The following ACER3 variants were observed in gnomAD, a reference collection of about 807,000 sequenced individuals.
The protein encoded by ACER3 is alkaline ceramidase 3.
In ACER3, 16 loss-of-function variants were observed where a neutral mutation model predicts 48.9. The observed-to-expected ratio is 0.33, with a 90% confidence interval of 0.22 to 0.50. The LOEUF (loss-of-function observed/expected upper bound fraction) is 0.50. Among genes scored for constraint, ACER3 ranks in the 20% least tolerant of loss-of-function variants. The pLI, the probability that ACER3 is intolerant of heterozygous loss-of-function variation, is 0.98. For synonymous variants in ACER3, 109 were observed against 107.8 expected (o/e 1.01, Z -0.07); for missense variants, 227 against 326.0 (o/e 0.70, Z 2.34).
chr11:76,958,551 T>C (rs1441304529), intron 2 of ACER3, among the ~76,000 whole-genome samples: 1 of 152,214 alleles, frequency 6.6e-6, no homozygotes, highest in Non-Finnish European at 1.5e-5. Flanking sequence ...GCAACAACTC[T>C]TTTTGCAGTC....
chr11:77,010,607 T>C (rs1949244527), intron 7 of ACER3, among the ~76,000 whole-genome samples: 1 of 152,150 alleles, frequency 6.6e-6, no homozygotes. Flanking sequence ...ATATAATTGA[T>C]GGGCATGAGT....
intron 3 of ACER3, among the ~76,000 whole-genome samples, chr11:76,965,090 A>G (rs1288397339): frequency 6.6e-6 from 1 of 151,356 alleles, no homozygotes; most frequent in Non-Finnish European, 1.5e-5. Flanking sequence ...GCTAACTAGA[A>G]TAACCAATGC....
chr11:76,940,832 A>G (rs1226590796), intron 2 of ACER3, among the ~76,000 whole-genome samples: 1 of 152,176 alleles, frequency 6.6e-6, no homozygotes, highest in Non-Finnish European at 1.5e-5. Flanking sequence ...GATTTTCTGC[A>G]TTCAGCAATA....
intron 1 of ACER3, among the ~76,000 whole-genome samples, chr11:76,878,659 T>G (rs954400455): frequency 4.6e-5 from 7 of 152,106 alleles, no homozygotes; most frequent in Non-Finnish European, 8.8e-5. Flanking sequence ...TTTTTGTGAA[T>G]GTATATTTTC....
At chr11:76,938,572 G>T (rs539121897) in intron 2 of ACER3, among the ~76,000 whole-genome samples, 1 of 152,238 alleles carries the variant, frequency 6.6e-6, no homozygotes, top group South Asian at 2.1e-4. Flanking sequence ...TCATGCTTCA[G>T]CCTCCCAATG....
chr11:76,911,043 C>G (rs1017903739), intron 1 of ACER3, among the ~76,000 whole-genome samples: 1 of 152,000 alleles, frequency 6.6e-6, no homozygotes, highest in Non-Finnish European at 1.5e-5. Flanking sequence ...CTACTGTTAC[C>G]CAATCCAGAC....
At chr11:76,877,973 G>T (rs1287842289) in intron 1 of ACER3, among the ~76,000 whole-genome samples, 1 of 151,140 alleles carries the variant, frequency 6.6e-6, no homozygotes, top group Non-Finnish European at 1.5e-5. Flanking sequence ...TATCATTCAT[G>T]CTCCTGAGAA....
At chr11:76,910,639 AAAT>A (rs750368300) in intron 1 of ACER3, among the ~76,000 whole-genome samples, 12 of 152,206 alleles carry the variant, frequency 7.9e-5, no homozygotes, top group Non-Finnish European at 1.2e-4. Flanking sequence ...AATAAACAGA[AAAT>A]AATAAACATA....
In ACER3 at chr11:77,023,254, A is replaced by G. The variant is rs1488891030; in HGVS notation, c.*2927A>G. On this transcript the variant is annotated 3_prime_UTR_variant, in exon 11 of 11. Transcript: ENST00000532485. The stretch of plus-strand genomic sequence containing the variant: ...GTAAATCAAATATTATGGTTTAAAT[A>G]TAATGCAAAATTTCAGGACAGTTAA... The G allele has an allele frequency of 1.0e-5, 4 of 398,102 alleles. No individual in the cohort carries two copies. Among genetic ancestry groups the G allele is most frequent in the Non-Finnish European group, 8.9e-6 (2 of 225,700 alleles). 24.7% of individuals were successfully genotyped at this position (398,102 alleles called of 1,614,324 possible).
At chr11:76,884,833 A>G (rs11236997) in intron 1 of ACER3, among the ~76,000 whole-genome samples, 61,314 of 151,888 alleles carry the variant, frequency 0.4, 15,132 homozygotes, top group Non-Finnish European at 0.56. Flanking sequence ...GCACAATCAT[A>G]GTTCACTGCA....
At chr11:76,969,700 A>C (rs1199727107) in intron 3 of ACER3, among the ~76,000 whole-genome samples, 7 of 150,964 alleles carry the variant, frequency 4.6e-5, no homozygotes, top group Non-Finnish European at 1.0e-4. Context: ...CAAGGACAAA[A>C]AACCAAACAC....
chr11:76,884,630 G>A (rs1160017955), intron 1 of ACER3, among the ~76,000 whole-genome samples: 2 of 152,124 alleles, frequency 1.3e-5, no homozygotes, highest in Non-Finnish European at 2.9e-5. Context: ...TACCATGTTG[G>A]TGGATTTGTT....
intron 2 of ACER3, among the ~76,000 whole-genome samples, chr11:76,928,543 T>C (rs1174103913): frequency 2.6e-5 from 4 of 152,232 alleles, no homozygotes; most frequent in Admixed American, 6.5e-5. Context: ...CCCATGCCTA[T>C]GTCCTGAATG....
In ACER3 at chr11:76,873,576, A is replaced by C. The variant is rs191049609; in HGVS notation, c.103+12497A>C. Among the ~76,000 whole-genome samples the C allele has an allele frequency of 2.6e-5, 4 of 152,324 alleles. No individual in the cohort carries two copies. The East Asian group carries it at 7.7e-4, about 29-fold the overall frequency. On this transcript the variant is annotated intron_variant, in intron 1 of 10. Transcript: ENST00000532485. The stretch of plus-strand genomic sequence containing the variant: ...CTTATTTTCTCTTAGTACCTTTCCC[A>C]AGCTTAAATGAAATCACCTTTTAGT...
chr11:76,930,328 TG>T (rs1333274561), intron 2 of ACER3, among the ~76,000 whole-genome samples: 1 of 152,252 alleles, frequency 6.6e-6, no homozygotes, highest in Admixed American at 6.5e-5. Context: ...TTATCATTTT[TG>T]ATTGCATCTA....
chr11:77,016,039 G>A lies in ACER3; in HGVS notation c.600-636G>A, dbSNP rs187736436. On this transcript the variant is annotated intron_variant, in intron 8 of 10. Transcript: ENST00000532485. ...GGAGAATCGCTTGAACTGGGGAGGC[G>A]GAGGTTGCAGTGAGCCGAGATCGTG... Among the ~76,000 whole-genome samples the A allele has an allele frequency of 5.6e-4, 85 of 151,630 alleles. No individual in the cohort carries two copies. In the South Asian group the frequency reaches 6.9e-3, roughly 12 times the overall value.
chr11:76,908,895 A>G (rs1395590330), intron 1 of ACER3, among the ~76,000 whole-genome samples: 1 of 152,194 alleles, frequency 6.6e-6, no homozygotes, highest in Non-Finnish European at 1.5e-5. Context: ...AGTAACCAAA[A>G]CAGCATGGTA....
intron 6 of ACER3, chr11:76,994,181 A>T (rs1190342851): frequency 2.2e-6 from 1 of 453,216 alleles, no homozygotes; most frequent in African/African-American, 2.0e-5. Flanking sequence ...ACCCCGGCTG[A>T]AGTGCAATGG....
chr11:76,882,161 C>A (rs1302287537), intron 1 of ACER3, among the ~76,000 whole-genome samples: 2 of 151,900 alleles, frequency 1.3e-5, no homozygotes, highest in African/African-American at 4.8e-5. Flanking sequence ...CCCGCCACCA[C>A]GCCCGGCTAA....
Sources: allele counts gnomAD v4.1 joint callset (sites outside exome capture counted in the v4.1 genomes callset), GRCh38; gene constraint gnomAD v4.1.1; transcripts MANE v1.5; gene names NCBI Gene and HGNC (gene_info 2026-07-23, HGNC 2026-07-21).